Variants in ANKRD33B observed in about 807,000 individuals in gnomAD.
ANKRD33B encodes ankyrin repeat domain-containing protein 33B.
A neutral mutation model predicts 21.5 loss-of-function variants in ANKRD33B; 6 were observed. The ratio of observed to expected loss-of-function variants is 0.28; its 90% CI spans 0.15 to 0.55. The LOEUF (loss-of-function observed/expected upper bound fraction) is 0.55, where lower values mean the gene tolerates loss of function less well. Ranked by LOEUF, ANKRD33B falls within the 20% of genes least tolerant of loss-of-function variation. The pLI is 0.94. For missense variants in ANKRD33B, 698 were observed against 747.2 expected, an observed-to-expected ratio of 0.93 and a Z score of 0.77; for synonymous variants, 347 against 342.4, an observed-to-expected ratio of 1.01 and a Z score of -0.15.
rs146707690 is a variant in ANKRD33B at position 10,586,586 on chromosome 5, A to G, written c.366+21753A>G. ...ATACAGTTTATAAGAGGACATTCAG[A>G]CCAACAAACAGTTCTCATCTTCAGT... On this transcript the variant is annotated intron_variant, in intron 1 of 3. Coordinates refer to ENST00000296657, the MANE Select transcript of ANKRD33B (RefSeq NM_001164440.2). 2.7e-4 allele frequency among the ~76,000 whole-genome samples: 41 copies of G among 152,108 alleles called. No individual in the cohort carries two copies. The East Asian group carries it at 6.4e-3, about 24-fold the overall frequency.
chr5:10,575,422 CAA>C (rs397780167), intron 1 of ANKRD33B, among the ~76,000 whole-genome samples: 48 of 116,686 alleles, frequency 4.1e-4, no homozygotes, highest in South Asian at 2.2e-3. Flanking sequence ...GAGACTGTCT[CAA>C]AAAAAAAAAA....
At chr5:10,591,194 G>GTT (rs749837253) in intron 1 of ANKRD33B, among the ~76,000 whole-genome samples, 1 of 113,456 alleles carries the variant, frequency 8.8e-6, no homozygotes, top group African/African-American at 3.2e-5. Flanking sequence ...TTTTTTTAGT[G>GTT]GTTTTTTTTT....
At chr5:10,602,961 C>T (rs1735963641) in intron 1 of ANKRD33B, among the ~76,000 whole-genome samples, 2 of 151,984 alleles carry the variant, frequency 1.3e-5, no homozygotes, top group Non-Finnish European at 2.9e-5. Flanking sequence ...TACAGGTGTG[C>T]ACCACCACAC....
At chr5:10,635,209 G>A (rs958005340) in intron 2 of ANKRD33B, among the ~76,000 whole-genome samples, 1 of 152,156 alleles carries the variant, frequency 6.6e-6, no homozygotes, top group Non-Finnish European at 1.5e-5. Flanking sequence ...TGACGGACAC[G>A]CTATTTCACA....
chr5:10,604,755 A>G (rs1736006618), intron 1 of ANKRD33B, among the ~76,000 whole-genome samples: 1 of 152,204 alleles, frequency 6.6e-6, no homozygotes, highest in Non-Finnish European at 1.5e-5. Flanking sequence ...AGTTCTCAAG[A>G]CAGAAACATA....
At chr5:10,583,703 G>GT (rs5865897) in intron 1 of ANKRD33B, among the ~76,000 whole-genome samples, 42,710 of 152,078 alleles carry the variant, frequency 0.28, 6,555 homozygotes, top group Admixed American at 0.46. Flanking sequence ...TTTGTCAGGT[G>GT]TTTTTTACAG....
At chr5:10,573,173 A>C (rs1735238045) in intron 1 of ANKRD33B, among the ~76,000 whole-genome samples, 1 of 152,202 alleles carries the variant, frequency 6.6e-6, no homozygotes, top group Non-Finnish European at 1.5e-5. Context: ...CATCATTTAA[A>C]AATAATCTCT....
At chr5:10,612,398 A>G (rs1736191400) in intron 1 of ANKRD33B, among the ~76,000 whole-genome samples, 1 of 152,206 alleles carries the variant, frequency 6.6e-6, no homozygotes, top group South Asian at 2.1e-4. Flanking sequence ...AAGGGCACCA[A>G]TCCTATTTAT....
intron 2 of ANKRD33B, among the ~76,000 whole-genome samples, chr5:10,622,156 A>G (rs1313887441): frequency 6.6e-6 from 1 of 152,248 alleles, no homozygotes; most frequent in African/African-American, 2.4e-5. Context: ...CTTGCTGTGG[A>G]CAATCAGTTT....
Position 10,649,408 on chromosome 5 carries a change from G to T in ANKRD33B, c.780G>T (p.Arg260=), listed in dbSNP as rs1266898753. 13 of 1,535,442 alleles carry T rather than the reference G, an allele frequency of 8.5e-6. No homozygotes were observed. Among genetic ancestry groups the T allele is most frequent in the Non-Finnish European group, 1.1e-5 (13 of 1,146,594 alleles). ...CGGAGCAGTTCTGGGAGAAGTACCG[G>T]CCCGAGCTGCCGCCGCCCCCTGAAG... ...PCPEQFWEKY[R]PELPPPPEAA... is the part of the protein sequence containing the mutation. The change falls in exon 4 of 4, where the codon CGG becomes CGT. Residue 260 remains arginine, a synonymous_variant. Transcript: ENST00000296657.
intron 2 of ANKRD33B, among the ~76,000 whole-genome samples, chr5:10,634,721 G>A (rs1260107708): frequency 6.6e-6 from 1 of 151,394 alleles, no homozygotes; most frequent in East Asian, 1.9e-4. Context: ...CTCCCAAAGT[G>A]CTGGGATTAC....
intron 1 of ANKRD33B, among the ~76,000 whole-genome samples, chr5:10,590,596 G>A (rs1047725991): frequency 1.9e-5 from 1 of 51,580 alleles, no homozygotes; most frequent in Non-Finnish European, 5.8e-5. Flanking sequence ...AGATGCGCGC[G>A]CGCGCGCGCG....
At chr5:10,574,662 A>T in intron 1 of ANKRD33B, among the ~76,000 whole-genome samples, 1 of 152,246 alleles carries the variant, frequency 6.6e-6, no homozygotes, top group East Asian at 1.9e-4. Flanking sequence ...AATAAAATAG[A>T]TATTTTTGAC....
chr5:10,595,826 G>C (rs1026093890), intron 1 of ANKRD33B, among the ~76,000 whole-genome samples: 1 of 152,136 alleles, frequency 6.6e-6, no homozygotes, highest in Admixed American at 6.5e-5. Context: ...TTACGACTCT[G>C]GAAATCTCTG....
chr5:10,638,560 G>A (rs933981804), intron 3 of ANKRD33B, among the ~76,000 whole-genome samples: 4 of 152,218 alleles, frequency 2.6e-5, no homozygotes, highest in African/African-American at 9.7e-5. Flanking sequence ...AACGGCCCAG[G>A]CCATCCTAGG....
chr5:10,621,778 G>A (rs1318973113), intron 2 of ANKRD33B, among the ~76,000 whole-genome samples: 1 of 152,182 alleles, frequency 6.6e-6, no homozygotes, highest in Non-Finnish European at 1.5e-5. Flanking sequence ...TTTCTATAAG[G>A]TGATGTTATG....
intron 1 of ANKRD33B, among the ~76,000 whole-genome samples, chr5:10,596,779 G>A (rs1220301925): frequency 6.6e-6 from 1 of 152,044 alleles, no homozygotes; most frequent in Non-Finnish European, 1.5e-5. Flanking sequence ...AAGAAAAAAT[G>A]TTAAGGGCAG....
intron 1 of ANKRD33B, among the ~76,000 whole-genome samples, chr5:10,584,118 T>C (rs1735503914): frequency 6.6e-6 from 1 of 152,216 alleles, no homozygotes; most frequent in Admixed American, 6.5e-5. Context: ...CAGAGATGAC[T>C]GTTTTATGCC....
In ANKRD33B at chr5:10,619,418, C is replaced by T; in HGVS notation, c.496+956C>T. The T allele has an allele frequency of 2.1e-6, 2 of 975,478 alleles. No individual in the cohort carries two copies. Among genetic ancestry groups the T allele is most frequent in the Non-Finnish European group, 2.4e-6 (2 of 820,916 alleles). The allele number at this position is 975,478 out of a possible 1,614,324, so 60.4% of individuals were successfully genotyped here. On this transcript the variant is annotated intron_variant, in intron 2 of 3. Transcript: ENST00000296657. This position sits in a 1 kb window ranked among gnomAD's most constrained non-coding sequence, Gnocchi z 4.5. ...GTTGGGAAATGGCTGTTGCTGTCAC[C>T]AAAAGGAGACCTCCTTGTCCCTTGT...
Sources: allele counts gnomAD v4.1 joint callset (sites outside exome capture counted in the v4.1 genomes callset), GRCh38; gene constraint gnomAD v4.1.1; non-coding constraint Gnocchi (gnomAD v3.1); transcripts MANE v1.5; gene names NCBI Gene and HGNC (gene_info 2026-07-23, HGNC 2026-07-21).